Variants in WDR90 observed in about 807,000 individuals in gnomAD.
WDR90 encodes WD repeat domain 90, also known as WD repeat-containing protein 90.
WDR90 carries 238 observed loss-of-function variants against 195.2 expected under a neutral mutation model. That is an observed-to-expected ratio of 1.22 (90% CI 1.10 to 1.36). The LOEUF is 1.36. WDR90 is among the 40% of genes most tolerant of loss of function. The pLI, the probability that WDR90 is intolerant of heterozygous loss-of-function variation, is 0.00. For missense variants in WDR90, 2,734 were observed against 2,439.5 expected (o/e 1.12, Z -2.54); for synonymous variants, 1,265 against 1,052.4 (o/e 1.20, Z -3.91).
intron 17 of WDR90, 119 bp downstream of exon 17, chr16:656,008 G>GA (rs2037745139): frequency 2.5e-6 from 3 of 1,176,730 alleles, no homozygotes; most frequent in Non-Finnish European, 3.5e-6. Context: ...TGCACAGGGT[G>GA]CCACGGGGCC....
chr16:660,837 TCTCCCGGTAGCGCCTCCTGGCGCTCCA>T, intron 28 of WDR90, 123 bp downstream of exon 28: 1 of 1,180,806 alleles, frequency 8.5e-7, no homozygotes, highest in Non-Finnish European at 1.2e-6. Context: ...GGGGCTCTGT[TCTCCCGGTAGCGCCTCCTGGCGCTCCA>T]GCCGAGGTCC....
chr16:655,524 G>A (rs772626085), intron 15 of WDR90, 49 bp from the exon 16 acceptor site: 1 of 1,542,632 alleles, frequency 6.5e-7, no homozygotes, highest in Non-Finnish European at 8.7e-7. Flanking sequence ...TGGTGCCTGG[G>A]CCTCCCCTTC....
At position 656,745 on chromosome 16, in the gene WDR90, C is replaced by T; in HGVS notation, c.2216C>T (p.Thr739Ile). Residue 739 changes from threonine (T) to isoleucine (I), a missense_variant, in exon 19 of 41, where the codon ACA becomes ATA. Coordinates refer to ENST00000293879, the MANE Select transcript of WDR90 (RefSeq NM_145294.5). ...LATLQQLYDF[T>I]SSEDAPCAVT... is the part of the protein sequence containing the mutation. ...CCTGTCCCACAGCTATACGACTTCA[C>T]ATCATCAGAGGACGCCCCGTGCGCT... 3 of 1,613,068 alleles carry T rather than the reference C, an allele frequency of 1.9e-6. No individual in the cohort carries two copies. Among genetic ancestry groups the T allele is most frequent in the Non-Finnish European group, 2.5e-6 (3 of 1,179,882 alleles).
chr16:665,190 C>G (rs887767189), intron 34 of WDR90: 4 of 286,834 alleles, frequency 1.4e-5, no homozygotes, highest in African/African-American at 8.6e-5. Flanking sequence ...AGGAGGAATG[C>G]GACTGCATGG....
intron 40 of WDR90, 35 bp from the exon 41 acceptor site, chr16:667,397 C>T (rs2038122580): frequency 1.9e-6 from 3 of 1,567,994 alleles, no homozygotes; most frequent in Non-Finnish European, 2.6e-6. Context: ...GCTGCCTGGT[C>T]CTGGCCCTGG....
chr16:660,185 C>T (rs1225236987), intron 27 of WDR90, 24 bp downstream of exon 27: 1 of 1,486,368 alleles, frequency 6.7e-7, no homozygotes, highest in East Asian at 2.5e-5. Context: ...TCTGGGAGCC[C>T]TCTTTATCCC....
chr16:662,662 T>C lies in WDR90; in HGVS notation c.4146-17T>C. The C allele has an allele frequency of 6.5e-7, 1 of 1,529,828 alleles. No homozygotes were observed. The highest frequency in any genetic ancestry group is 8.8e-7 in the Non-Finnish European group (1 of 1,137,738). 94.8% of individuals were successfully genotyped at this position (1,529,828 alleles called of 1,614,324 possible). ...TGAGACCCATTGTTCTCTCCTTCCC[T>C]GCACCCTGAGGTCCAGTTCTGTGTT... is the stretch of plus-strand genomic sequence containing the variant. On this transcript the variant is annotated splice_polypyrimidine_tract_variant and intron_variant, in intron 33 of 40. Transcript: ENST00000293879.
rs1474258072 is a variant in WDR90, at chr16:650,065, G to A, written c.177G>A (p.Lys59=). Residue 59 remains lysine (K), a synonymous_variant, in exon 3 of 41, where the codon AAG becomes AAA. Coordinates refer to ENST00000293879, the MANE Select transcript of WDR90 (RefSeq NM_145294.5). The part of the protein sequence containing the change: ...VSAANYIQLP[K]SSTQSLGLTG... The stretch of plus-strand genomic sequence containing the variant: ...CCGCCAACTACATCCAGCTCCCTAA[G>A]AGCAGCACCCAGTCTCTGGGGCTGA... 3 of 1,612,962 alleles carry A rather than the reference G, an allele frequency of 1.9e-6. No individual in the cohort carries two copies. The highest frequency in any genetic ancestry group is 3.3e-5 in the Admixed American group (2 of 60,034).
At position 662,021 on chromosome 16, in the gene WDR90, G is replaced by A. The variant is rs1273761413; in HGVS notation, c.3995G>A (p.Arg1332His). 3.7e-6 allele frequency: 6 copies of A among 1,603,100 alleles called. No homozygotes were observed. The highest frequency in any genetic ancestry group is 1.1e-5 in the South Asian group (1 of 91,084). Residue 1332 changes from arginine to histidine, a missense_variant, in exon 32 of 41, where the codon CGC becomes CAC. Physicochemically the swap from Arg to His is conservative, Grantham distance 29. Transcript: ENST00000293879. The stretch of plus-strand genomic sequence containing the variant: ...TGTGTCTGGGACACGCGTGCCGGCC[G>A]CTGCTTCTTGTCCTGGGAGGCGGAT... ...QVCVWDTRAG[R>H]CFLSWEADDG...
chr16:655,073 G>C lies in WDR90; in HGVS notation c.1482G>C (p.Glu494Asp), dbSNP rs1157499924. Reference protein sequence around the residue: ...WGTGQVGLGGEVVVLAKAHTD... With the variant: ...WGTGQVGLGGDVVVLAKAHTD... ...CCGGCCAGGTGGGCCTCGGTGGCGA[G>C]GTGGTCGTTCTGGCAAAGGCGCACA... is the stretch of plus-strand genomic sequence containing the variant. The change falls in exon 14 of 41, where the codon GAG becomes GAC. Residue 494 changes from glutamate (E) to aspartate (D), a missense_variant. Physicochemically the swap from Glu to Asp is conservative, Grantham distance 45. Transcript: ENST00000293879. 6 of 1,612,668 alleles carry C rather than the reference G, an allele frequency of 3.7e-6. No individual in the cohort carries two copies. The highest frequency in any genetic ancestry group is 4.2e-6 in the Non-Finnish European group (5 of 1,179,864).
At position 666,030 on chromosome 16, in the gene WDR90, C is replaced by T. The variant is rs758702191; in HGVS notation, c.4515C>T (p.Gly1505=). 11 of 1,604,652 alleles carry T rather than the reference C, an allele frequency of 6.9e-6. No individual in the cohort carries two copies. In the African/African-American group the frequency reaches 1.1e-4, roughly 16 times the overall value. The part of the protein sequence containing the change: ...QQRLAAGYGD[G]SLRIFSVSRT... ...GGCTAGCGGCTGGCTACGGTGACGG[C>T]TCCCTGCGCATCTTCAGCGTCTCCC... Residue 1505 remains glycine (G), a synonymous_variant, in exon 36 of 41, where the codon GGC becomes GGT. Transcript: ENST00000293879.
chr16:654,904 C>A, intron 13 of WDR90, 125 bp from the exon 14 acceptor site: 1 of 840,296 alleles, frequency 1.2e-6, no homozygotes, highest in South Asian at 1.6e-5. Flanking sequence ...TCCACGGCCG[C>A]ACGCTCAGAG....
At chr16:650,442 G>A (rs2037621311) in intron 4 of WDR90, 80 bp downstream of exon 4, 5 of 1,590,592 alleles carry the variant, frequency 3.1e-6, no homozygotes, top group African/African-American at 1.3e-5. Flanking sequence ...GCTCCTCTGC[G>A]GCCTGGAGGA....
At position 659,236 on chromosome 16, in the gene WDR90, C is replaced by T. The variant is rs770376962; in HGVS notation, c.3053-9C>T. On this transcript the variant is annotated splice_polypyrimidine_tract_variant and intron_variant, in intron 25 of 40. Transcript: ENST00000293879. ...CTTCCCAAACATCACAGGGCTGCTT[C>T]TTCCCCAGGCCCGGGCGCAGGACCG... The T allele has an allele frequency of 4.3e-6, 7 of 1,611,660 alleles. No homozygotes were observed. The highest frequency in any genetic ancestry group is 1.7e-4 in the Middle Eastern group (1 of 6,058).
rs1394648930 is a variant in WDR90 at position 657,109 on chromosome 16, C to A, written c.2361C>A (p.Val787=). The change falls in exon 20 of 41, where the codon GTC becomes GTA. Residue 787 remains valine, a synonymous_variant. Coordinates refer to ENST00000293879, the MANE Select transcript of WDR90 (RefSeq NM_145294.5). ...GCTGCAGGTGCCACCGAGGAGCTGT[C>A]ACCGGCCTGACCGCCACCCCTGACG... The part of the protein sequence containing the change: ...LVEHTCHRGA[V]TGLTATPDGR... 8.2e-6 allele frequency: 13 copies of A among 1,593,286 alleles called. No homozygotes were observed. The South Asian group carries it at 1.4e-4, about 17-fold the overall frequency.
chr16:666,893 G>T lies in WDR90; in HGVS notation c.5005-12G>T. The T allele has an allele frequency of 6.2e-7, 1 of 1,613,166 alleles. No individual in the cohort carries two copies. The highest frequency in any genetic ancestry group is 8.5e-7 in the Non-Finnish European group (1 of 1,179,954). The stretch of plus-strand genomic sequence containing the variant: ...GCCCACAGGCCTGGAGCCTCACGCT[G>T]GCTGCTCACAGGTGGTGGAGAAGAT... On this transcript the variant is annotated splice_polypyrimidine_tract_variant and intron_variant, in intron 39 of 40. Transcript: ENST00000293879.
Position 662,881 on chromosome 16 carries a change from C to T in WDR90, c.4311+37C>T, listed in dbSNP as rs1045637775. 7.2e-6 allele frequency: 11 copies of T among 1,536,664 alleles called. No individual in the cohort carries two copies. The Middle Eastern group carries it at 5.0e-4, about 70-fold the overall frequency. On this transcript the variant is annotated intron_variant, in intron 34 of 40. Transcript: ENST00000293879. ...CCAGCCTGGGCAGAGGCGGGGCAGC[C>T]GAACCTGGTGCCCTCCCTGCCTGCC...
chr16:653,696 G>C (rs748986429), intron 12 of WDR90, 26 bp downstream of exon 12: 11 of 1,613,060 alleles, frequency 6.8e-6, no homozygotes, highest in African/African-American at 4.0e-5. Flanking sequence ...CCCCATGCAG[G>C]GGGAGGGGGT....
chr16:654,065 C>T (rs774814317), intron 13 of WDR90: 12 of 515,994 alleles, frequency 2.3e-5, no homozygotes, highest in Admixed American at 3.6e-5. Context: ...CACCTCGCCT[C>T]GTTCTCTCTG....
Sources: gnomAD v4.1 joint callset for allele counts on GRCh38, gnomAD v4.1.1 for gene constraint, MANE v1.5 for transcripts, NCBI Gene and HGNC (gene_info 2026-07-23, HGNC 2026-07-21) for gene names.